The following MIPOL1 variants were observed in gnomAD, a reference collection of about 807,000 sequenced individuals.
MIPOL1 encodes the protein mirror-image polydactyly 1.
A neutral mutation model predicts 60.9 loss-of-function variants in MIPOL1; 57 were observed. That is an observed-to-expected ratio of 0.94 (90% confidence interval 0.76 to 1.17). MIPOL1 has a LOEUF of 1.17. Ranked by LOEUF, MIPOL1 falls within the 50% of genes most tolerant of loss-of-function variation. The pLI is 0.00. For synonymous variants in MIPOL1, 179 were observed against 168.8 expected, an observed-to-expected ratio of 1.06 and a Z score of -0.47; for missense variants, 551 against 511.6, an observed-to-expected ratio of 1.08 and a Z score of -0.74.
chr14:37,377,207 C>T (rs963704839), intron 10 of MIPOL1, among the ~76,000 whole-genome samples: 2 of 152,228 alleles, frequency 1.3e-5, no homozygotes, highest in South Asian at 4.1e-4. Context: ...CTGCTATAGA[C>T]ACTGGAAAAG....
At chr14:37,244,435 A>G (rs1972865795) in intron 1 of MIPOL1, among the ~76,000 whole-genome samples, 1 of 152,018 alleles carries the variant, frequency 6.6e-6, no homozygotes, top group Non-Finnish European at 1.5e-5. Context: ...CCTTTTTTAT[A>G]TACTGAAAAT....
chr14:37,423,005 C>T (rs896490832), intron 11 of MIPOL1, 56 bp downstream of exon 11: 10 of 1,121,912 alleles, frequency 8.9e-6, no homozygotes, highest in Admixed American at 8.2e-5. Flanking sequence ...GGAAATGTTT[C>T]TACCTGATTT....
In MIPOL1 at chr14:37,509,349, T is replaced by TAC. The variant is rs536150063; in HGVS notation, c.1262+9223_1262+9224dup. Among the ~76,000 whole-genome samples the TAC allele has an allele frequency of 7.0e-3, 1,063 of 150,992 alleles. 11 individuals are homozygous for TAC. Among genetic ancestry groups the TAC allele is most frequent in the African/African-American group, 0.025 (1,015 of 41,222 alleles). ...GTGTATATATATCTATATACACACA[T>TAC]ACACACACACACAGACTCAAAGAGT... On this transcript the variant is annotated intron_variant, in intron 12 of 12. Transcript: ENST00000684589.
At chr14:37,517,825 C>G (rs1326528172) in intron 12 of MIPOL1, among the ~76,000 whole-genome samples, 1 of 152,086 alleles carries the variant, frequency 6.6e-6, no homozygotes, top group Non-Finnish European at 1.5e-5. Context: ...CAGGAAAGAT[C>G]AGCCAGAAAC....
At chr14:37,532,289 A>G (rs898975163) in intron 12 of MIPOL1, among the ~76,000 whole-genome samples, 2 of 152,206 alleles carry the variant, frequency 1.3e-5, no homozygotes, top group Non-Finnish European at 2.9e-5. Flanking sequence ...AGTCCCTGAT[A>G]TAGTTTACTA....
chr14:37,244,125 TTTTTTTTTTTTGTG>T, intron 1 of MIPOL1, among the ~76,000 whole-genome samples: 1 of 121,392 alleles, frequency 8.2e-6, no homozygotes, highest in East Asian at 2.4e-4. Context: ...TTTTTTTTTT[TTTTTTTTTTTTGTG>T]AGACAGGGTC....
intron 11 of MIPOL1, among the ~76,000 whole-genome samples, chr14:37,431,639 C>T (rs1294936799): frequency 2.7e-5 from 3 of 111,788 alleles, no homozygotes; most frequent in Non-Finnish European, 3.3e-5. Context: ...AGTGCAGTGG[C>T]GCGATCTCAG....
At chr14:37,209,652 T>G (rs559228816) in intron 1 of MIPOL1, among the ~76,000 whole-genome samples, 1 of 152,142 alleles carries the variant, frequency 6.6e-6, no homozygotes, top group East Asian at 1.9e-4. Flanking sequence ...AGAGCAAGAC[T>G]CCATCTCAAA....
chr14:37,398,486 G>A (rs2093420789), intron 10 of MIPOL1, among the ~76,000 whole-genome samples: 1 of 152,106 alleles, frequency 6.6e-6, no homozygotes, highest in Admixed American at 6.5e-5. Context: ...ATGTAGTCCT[G>A]CCTCCCATCT....
chr14:37,523,836 T>C (rs1471862820), intron 12 of MIPOL1, among the ~76,000 whole-genome samples: 1 of 152,160 alleles, frequency 6.6e-6, no homozygotes, highest in Non-Finnish European at 1.5e-5. Context: ...TTCCTAGGAA[T>C]GCTAGGAAAG....
intron 11 of MIPOL1, among the ~76,000 whole-genome samples, chr14:37,467,478 A>C (rs889364682): frequency 1.3e-5 from 2 of 152,178 alleles, no homozygotes; most frequent in African/African-American, 4.8e-5. Context: ...GAAACCTTCA[A>C]ATTTCACAGG....
rs75597945 is a variant in MIPOL1 at position 37,444,444 on chromosome 14, A to G, written c.1031+21495A>G. The stretch of plus-strand genomic sequence containing the variant: ...AACACTCAATATTTCTGTGATATCA[A>G]TTCTCTCCAAATTGATCTGCAGGCT... On this transcript the variant is annotated intron_variant, in intron 11 of 12. Transcript: ENST00000684589. 1.7e-3 allele frequency among the ~76,000 whole-genome samples: 266 copies of G among 152,318 alleles called. 1 individual carries two copies. Among genetic ancestry groups the G allele is most frequent in the African/African-American group, 6.0e-3 (248 of 41,580 alleles).
At chr14:37,236,658 G>A (rs1416527540) in intron 1 of MIPOL1, among the ~76,000 whole-genome samples, 3 of 151,910 alleles carry the variant, frequency 2.0e-5, no homozygotes, top group African/African-American at 7.3e-5. Context: ...GGCTGGTCTT[G>A]AACTCCTGAC....
intron 9 of MIPOL1, among the ~76,000 whole-genome samples, chr14:37,359,800 A>G (rs918973074): frequency 6.6e-6 from 1 of 152,178 alleles, no homozygotes; most frequent in Non-Finnish European, 1.5e-5. Flanking sequence ...TCATAATTGA[A>G]TATCTTTTAT....
intron 11 of MIPOL1, 106 bp downstream of exon 11, chr14:37,423,055 A>G: frequency 1.5e-6 from 1 of 673,898 alleles, no homozygotes; most frequent in South Asian, 2.0e-5. Flanking sequence ...GAAATTAAAT[A>G]TTATGCACTT....
chr14:37,505,468 G>A (rs1037221926), intron 12 of MIPOL1: 5 of 152,128 alleles, frequency 3.3e-5, no homozygotes, highest in African/African-American at 1.2e-4. Flanking sequence ...ATCAATAAAC[G>A]TAATCCATCA....
intron 7 of MIPOL1, among the ~76,000 whole-genome samples, chr14:37,286,244 C>A (rs188163176): frequency 8.3e-4 from 126 of 152,130 alleles, no homozygotes; most frequent in African/African-American, 2.9e-3. Flanking sequence ...TTAAAGCAAC[C>A]CAGGTGATTC....
At chr14:37,396,814 T>C (rs2093380765) in intron 10 of MIPOL1, among the ~76,000 whole-genome samples, 1 of 152,202 alleles carries the variant, frequency 6.6e-6, no homozygotes, top group Non-Finnish European at 1.5e-5. Flanking sequence ...GTGTCCATTA[T>C]TTCCTGAAGT....
chr14:37,256,455 AT>A (rs1310286311), intron 3 of MIPOL1, among the ~76,000 whole-genome samples: 1 of 151,950 alleles, frequency 6.6e-6, no homozygotes, highest in East Asian at 1.9e-4. Flanking sequence ...AAGAATTTCT[AT>A]TTTAAGTAGA....
Sources: gnomAD v4.1 joint callset for allele counts (sites outside exome capture counted in the v4.1 genomes callset) on GRCh38, gnomAD v4.1.1 for gene constraint, MANE v1.5 for transcripts, NCBI Gene and HGNC (gene_info 2026-07-23, HGNC 2026-07-21) for gene names.